Variants in NCOR2 observed in about 807,000 individuals in gnomAD.
NCOR2 encodes the protein nuclear receptor corepressor 2.
In NCOR2, 81 loss-of-function variants were observed where a neutral mutation model predicts 262.9. That is an observed-to-expected ratio of 0.31 (90% CI 0.26 to 0.37). NCOR2 has a LOEUF of 0.37. Among genes scored for constraint, NCOR2 ranks in the 10% least tolerant of loss-of-function variants. The pLI is 1.00. For synonymous variants in NCOR2, 1,659 were observed against 1,559.3 expected (o/e 1.06, Z -1.51); for missense variants, 3,385 against 3,621.4 (o/e 0.93, Z 1.68).
At chr12:124,335,148 G>C in exon 40 of NCOR2, 1 of 1,612,180 alleles carries the variant, frequency 6.2e-7, no homozygotes. Context: ...GATGTGCTGG[G>C]CCAGGGTGAC....
At chr12:124,516,280 C>T (rs377388603) in intron 1 of NCOR2, among the ~76,000 whole-genome samples, 4 of 152,296 alleles carry the variant, frequency 2.6e-5, no homozygotes, top group South Asian at 2.1e-4. Context: ...GGCCCTCCCG[C>T]GCCAGTCCCC....
intron 5 of NCOR2, among the ~76,000 whole-genome samples, chr12:124,465,808 TC>T (rs2046386068): frequency 6.6e-6 from 1 of 152,212 alleles, no homozygotes; most frequent in Non-Finnish European, 1.5e-5. Context: ...AATGTCATTA[TC>T]TTTTGCCTTA....
At chr12:124,332,173 A>G (rs2135747504) in intron 43 of NCOR2, 146 bp downstream of exon 45, 2 of 977,818 alleles carry the variant, frequency 2.0e-6, no homozygotes, top group Admixed American at 2.6e-5. Flanking sequence ...TGTGAGGCAA[A>G]GGGCCTGGGG....
rs368337750 is a variant in NCOR2, at chr12:124,456,579, G to A, written c.762+527C>T. ...TGTTTACAAGGCAGGCGCGGCACCCGATGTTGGAAAAATATTAACACAGCT... is the reference window on the plus strand; with the variant it reads ...TGTTTACAAGGCAGGCGCGGCACCCAATGTTGGAAAAATATTAACACAGCT... On this transcript the variant is annotated intron_variant, in intron 6 of 46. Coordinates refer to ENST00000405201, the Ensembl canonical transcript of NCOR2. 3.8e-4 allele frequency among the ~76,000 whole-genome samples: 58 copies of A among 152,316 alleles called. No homozygotes were observed. In the South Asian group the frequency reaches 4.6e-3, roughly 12 times the overall value.
chr12:124,390,694 A>C (rs866562457), intron 16 of NCOR2, among the ~76,000 whole-genome samples: 4 of 152,174 alleles, frequency 2.6e-5, no homozygotes, highest in Admixed American at 2.0e-4. Flanking sequence ...GAACCCTCCC[A>C]AAAGAGGCTG....
chr12:124,536,029 TG>T (rs2051104556), upstream of NCOR2, among the ~76,000 whole-genome samples: 2 of 151,612 alleles, frequency 1.3e-5, no homozygotes, highest in South Asian at 4.2e-4. Context: ...GGTCCGGGGG[TG>T]GGGGTGTCTA....
chr12:124,509,150 T>C (rs2049230941), intron 1 of NCOR2, among the ~76,000 whole-genome samples: 1 of 143,286 alleles, frequency 7.0e-6, no homozygotes, highest in East Asian at 2.1e-4. Context: ...CCAATTTCCC[T>C]GGGCAACCAC....
chr12:124,528,245 C>T (rs1381194441), intron 1 of NCOR2, among the ~76,000 whole-genome samples: 2 of 152,262 alleles, frequency 1.3e-5, no homozygotes, highest in South Asian at 2.1e-4. Context: ...ATGTCAGAGC[C>T]GAAGATTAAA....
At chr12:124,441,126 C>T (rs1397982108) in intron 7 of NCOR2, among the ~76,000 whole-genome samples, 4 of 152,226 alleles carry the variant, frequency 2.6e-5, no homozygotes, top group African/African-American at 9.6e-5. Context: ...GCCATGAGCA[C>T]AGCAGCACCC....
intron 13 of NCOR2, among the ~76,000 whole-genome samples, chr12:124,404,956 C>T (rs917565866): frequency 5.9e-5 from 9 of 152,360 alleles, no homozygotes; most frequent in East Asian, 1.9e-4. Flanking sequence ...GGCAAAGCTT[C>T]GAGGTCTCGG....
intron 8 of NCOR2, among the ~76,000 whole-genome samples, chr12:124,437,724 C>G (rs2044436125): frequency 6.6e-6 from 1 of 152,074 alleles, no homozygotes; most frequent in African/African-American, 2.4e-5. Context: ...ATAGAGCCCC[C>G]CCACCCCCAC....
rs1037480149 is a variant in NCOR2, at chr12:124,389,272, G to A, written c.1877-3385C>T. On this transcript the variant is annotated intron_variant, in intron 16 of 46. Transcript: ENST00000405201. The surrounding 1 kb of genome is among the most constrained non-coding windows in gnomAD (Gnocchi z 4.4). ...CAGGGCAGCCGTGTCCCCCGCAGCC[G>A]GGCTCAGCTCTGATCTTCTTGCTGC... 1.3e-5 allele frequency among the ~76,000 whole-genome samples: 2 copies of A among 152,144 alleles called. No individual in the cohort carries two copies. Among genetic ancestry groups the A allele is most frequent in the Admixed American group, 6.5e-5 (1 of 15,284 alleles).
intron 13 of NCOR2, among the ~76,000 whole-genome samples, chr12:124,417,108 G>GGACAGTCACTCCATGGAGAGCAGGCCA: frequency 1.6e-5 from 2 of 127,210 alleles, no homozygotes; most frequent in African/African-American, 7.8e-5. Flanking sequence ...AGAGCAGGCC[G>GGACAGTCACTCCATGGAGAGCAGGCCA]GACAGTCACT....
intron 45 of NCOR2, 88 bp downstream of exon 47, chr12:124,327,321 G>A (rs1441009927): frequency 1.9e-6 from 2 of 1,065,404 alleles, no homozygotes; most frequent in East Asian, 2.6e-5. Context: ...AGCTCGAGGA[G>A]GGGGTTGTCA....
chr12:124,417,973 A>C (rs2042998410), intron 13 of NCOR2, among the ~76,000 whole-genome samples: 1 of 151,868 alleles, frequency 6.6e-6, no homozygotes, highest in Non-Finnish European at 1.5e-5. Flanking sequence ...AGGCATGAGA[A>C]TCACTCTAAC....
chr12:124,420,097 A>C (rs989054409), intron 12 of NCOR2, 42 bp from the exon 15 acceptor site: 2 of 1,536,116 alleles, frequency 1.3e-6, no homozygotes, highest in Non-Finnish European at 1.8e-6. Flanking sequence ...GGTACAGCAC[A>C]GGCATTCAGG....
chr12:124,383,108 A>G (rs192282814), intron 17 of NCOR2, among the ~76,000 whole-genome samples: 2 of 152,304 alleles, frequency 1.3e-5, no homozygotes, highest in African/African-American at 4.8e-5. Context: ...TCACTAGCAG[A>G]GTGTCTGGGG....
intron 45 of NCOR2, among the ~76,000 whole-genome samples, chr12:124,326,656 C>T (rs2034677358): frequency 6.6e-6 from 1 of 152,116 alleles, no homozygotes; most frequent in Non-Finnish European, 1.5e-5. Context: ...CCTGCAGCGA[C>T]CCCAGCCCCA....
At chr12:124,508,728 C>T (rs1443572558) in intron 1 of NCOR2, among the ~76,000 whole-genome samples, 3 of 152,148 alleles carry the variant, frequency 2.0e-5, no homozygotes, top group Non-Finnish European at 4.4e-5. Context: ...AGACATCTCC[C>T]GATATTTCTA....
Sources: gnomAD v4.1 joint callset for allele counts (sites outside exome capture counted in the v4.1 genomes callset) on GRCh38, gnomAD v4.1.1 for gene constraint, Gnocchi (gnomAD v3.1) non-coding constraint, MANE v1.5 for transcripts, NCBI Gene and HGNC (gene_info 2026-07-23, HGNC 2026-07-21) for gene names.